Variants in EBF1 observed in about 807,000 individuals in gnomAD.
The protein encoded by EBF1 is EBF transcription factor 1.
Under a neutral mutation model 68.4 loss-of-function variants are expected in EBF1, and 10 were observed. The ratio of observed to expected loss-of-function variants is 0.15; its 90% CI spans 0.09 to 0.25. EBF1 has a LOEUF of 0.25. Ranked by LOEUF, EBF1 falls within the 10% of genes least tolerant of loss-of-function variation. EBF1 has a pLI of 1.00. For missense variants in EBF1, 509 were observed against 794.4 expected, an observed-to-expected ratio of 0.64 and a Z score of 4.32; for synonymous variants, 298 against 299.8, an observed-to-expected ratio of 0.99 and a Z score of 0.06.
Position 158,797,655 on chromosome 5 carries a change from G to C in EBF1, c.779-1180C>G, listed in dbSNP as rs562841051. ...TTGCAAGAAGGAAAGAAAATATTAA[G>C]TCCAGCCCGGTGGGACCATTGCTCA... On this transcript the variant is annotated intron_variant, in intron 8 of 15. Transcript: ENST00000313708. 2.6e-5 allele frequency among the ~76,000 whole-genome samples: 4 copies of C among 152,280 alleles called. No homozygotes were observed. The South Asian group carries it at 6.2e-4, about 24-fold the overall frequency.
At chr5:158,713,198 A>G in intron 12 of EBF1, 51 bp from the exon 13 acceptor site, 9 of 1,323,272 alleles carry the variant, frequency 6.8e-6, no homozygotes, top group Non-Finnish European at 8.8e-6. Flanking sequence ...CATATTCCCA[A>G]TAATACCATT....
At chr5:158,717,483 A>G (rs980259239) in intron 11 of EBF1, among the ~76,000 whole-genome samples, 4 of 152,144 alleles carry the variant, frequency 2.6e-5, no homozygotes, top group Admixed American at 2.0e-4. Context: ...AGAGCACTTG[A>G]CTAGTACTAA....
intron 6 of EBF1, among the ~76,000 whole-genome samples, chr5:158,845,717 A>AG (rs1051616385): frequency 5.3e-5 from 8 of 151,462 alleles, no homozygotes; most frequent in Non-Finnish European, 7.4e-5. Context: ...AAAAAAAAAA[A>AG]AAGAAGAAGA....
At chr5:158,990,451 C>T (rs1214072781) in intron 6 of EBF1, among the ~76,000 whole-genome samples, 2 of 151,818 alleles carry the variant, frequency 1.3e-5, no homozygotes, top group African/African-American at 4.8e-5. Flanking sequence ...TAGAAGGCAA[C>T]TGCAATAAGA....
At chr5:158,717,410 A>T (rs764626004) in intron 11 of EBF1, among the ~76,000 whole-genome samples, 9 of 152,190 alleles carry the variant, frequency 5.9e-5, no homozygotes, top group Non-Finnish European at 1.0e-4. Context: ...TTGTGGCATT[A>T]GGCAGGAGCA....
intron 6 of EBF1, among the ~76,000 whole-genome samples, chr5:159,061,621 C>A (rs1407673150): frequency 1.3e-5 from 2 of 152,126 alleles, no homozygotes; most frequent in Non-Finnish European, 1.5e-5. Flanking sequence ...GTCCGAGATG[C>A]GATTAGTCAG....
At chr5:158,838,061 CA>C (rs1789235703) in intron 7 of EBF1, among the ~76,000 whole-genome samples, 2 of 152,158 alleles carry the variant, frequency 1.3e-5, no homozygotes, top group Admixed American at 1.3e-4. Context: ...AAAGTTGACT[CA>C]AACATAACAC....
rs1250574399 is a variant in EBF1 at position 159,099,379 on chromosome 5, C to A, written c.100G>T (p.Ala34Ser). The change falls in exon 1 of 16, where the codon GCC becomes TCC. Residue 34 changes from alanine (A) to serine (S), a missense_variant. Around this residue, in one of 3 missense-constraint regions of EBF1, gnomAD observed 74 missense variants for 79.4 expected, o/e 0.93. Transcript: ENST00000313708. Reference protein sequence around the residue: ...MNAVRTWMQGAGVLDANTAAQ... With the variant: ...MNAVRTWMQGSGVLDANTAAQ... ...GCCGTGTTGGCGTCCAGCACCCCGG[C>A]GCCCTGCATCCACGTCCGCACCGCG... 1 of 1,597,384 alleles carries A rather than the reference C, an allele frequency of 6.3e-7. No individual in the cohort carries two copies. Among genetic ancestry groups the A allele is most frequent in the East Asian group, 2.4e-5 (1 of 42,258 alleles).
At chr5:159,041,289 A>G (rs1771151950) in intron 6 of EBF1, among the ~76,000 whole-genome samples, 1 of 152,234 alleles carries the variant, frequency 6.6e-6, no homozygotes, top group African/African-American at 2.4e-5. Flanking sequence ...GTTCTGTGTC[A>G]TATACATACC....
At chr5:158,810,414 A>C (rs561216572) in intron 8 of EBF1, among the ~76,000 whole-genome samples, 1 of 152,308 alleles carries the variant, frequency 6.6e-6, no homozygotes, top group East Asian at 1.9e-4. Context: ...ATTCTTCTAA[A>C]TAGTAGCCCA....
chr5:158,789,490 G>T (rs1043674496), intron 9 of EBF1, among the ~76,000 whole-genome samples: 3 of 152,118 alleles, frequency 2.0e-5, no homozygotes, highest in South Asian at 4.1e-4. Flanking sequence ...ATTTAGGAAG[G>T]TTTGGTAAAT....
chr5:158,797,039 T>C (rs1266431500), intron 8 of EBF1, among the ~76,000 whole-genome samples: 1 of 152,154 alleles, frequency 6.6e-6, no homozygotes, highest in Admixed American at 6.5e-5. Context: ...TAGATCCCAT[T>C]TTACAGATGT....
At chr5:158,932,939 A>T (rs1811201234) in intron 6 of EBF1, among the ~76,000 whole-genome samples, 2 of 152,134 alleles carry the variant, frequency 1.3e-5, no homozygotes, top group African/African-American at 4.8e-5. Flanking sequence ...ATGGGTAGAT[A>T]TTTTCCTTGA....
intron 6 of EBF1, among the ~76,000 whole-genome samples, chr5:158,949,314 T>A (rs1297567122): frequency 6.6e-6 from 1 of 152,184 alleles, no homozygotes; most frequent in East Asian, 1.9e-4. Flanking sequence ...CCATTTATCA[T>A]TCTTCTAGTT....
chr5:159,059,670 T>C (rs1775433340), intron 6 of EBF1, among the ~76,000 whole-genome samples: 1 of 152,210 alleles, frequency 6.6e-6, no homozygotes, highest in South Asian at 2.1e-4. Context: ...TAAAAGGCAG[T>C]TTATACAATT....
chr5:158,905,772 T>G (rs1480646177), intron 6 of EBF1, among the ~76,000 whole-genome samples: 1 of 152,132 alleles, frequency 6.6e-6, no homozygotes, highest in Non-Finnish European at 1.5e-5. Context: ...ATGACTAAAG[T>G]TCTAAAGGCA....
chr5:158,936,852 A>G (rs1812131180), intron 6 of EBF1, among the ~76,000 whole-genome samples: 1 of 152,204 alleles, frequency 6.6e-6, no homozygotes, highest in Admixed American at 6.5e-5. Flanking sequence ...TGGGTAAATG[A>G]ATAAAATGGA....
rs190925775 is a variant in EBF1, at chr5:158,713,386, A to G, written c.1192-239T>C. Among the ~76,000 whole-genome samples the G allele has an allele frequency of 5.3e-5, 8 of 152,362 alleles. No individual in the cohort carries two copies. In the East Asian group the frequency reaches 1.3e-3, roughly 26 times the overall value. The stretch of plus-strand genomic sequence containing the variant: ...GAAGTACACTCACCTATTTAAGAAC[A>G]GAGCTGAGATTCATAAGCCCATTTG... On this transcript the variant is annotated intron_variant, in intron 12 of 15. Coordinates refer to ENST00000313708, the MANE Select transcript of EBF1 (RefSeq NM_024007.5).
At chr5:158,907,944 G>C (rs1805019911) in intron 6 of EBF1, among the ~76,000 whole-genome samples, 1 of 152,102 alleles carries the variant, frequency 6.6e-6, no homozygotes, top group Non-Finnish European at 1.5e-5. Context: ...ATTAGAAGCT[G>C]TGTTGACTTT....
Sources: allele counts gnomAD v4.1 joint callset (sites outside exome capture counted in the v4.1 genomes callset), GRCh38; gene constraint gnomAD v4.1.1; regional missense constraint gnomAD v4.1.1; transcripts MANE v1.5; gene names NCBI Gene and HGNC (gene_info 2026-07-23, HGNC 2026-07-21).